C10orf90: variants seen among roughly 807,000 people sequenced by gnomAD.
The protein encoded by C10orf90 is chromosome 10 open reading frame 90, also known as (E2-independent) E3 ubiquitin-conjugating enzyme FATS.
In C10orf90, 56 loss-of-function variants were observed where a neutral mutation model predicts 62.5. That is an observed-to-expected ratio of 0.90 (90% CI 0.72 to 1.12). The LOEUF is 1.12. Among genes scored for constraint, C10orf90 ranks in the 50% most tolerant of loss-of-function variants. The probability of loss-of-function intolerance (pLI) is 0.00; values close to 1 mark genes in which losing one functional copy is unlikely to be tolerated. For synonymous variants in C10orf90, 386 were observed against 340.4 expected (o/e 1.13, Z -1.47); for missense variants, 970 against 880.4 (o/e 1.10, Z -1.29).
chr10:126,449,398 C>T (rs755454458), intron 7 of C10orf90, among the ~76,000 whole-genome samples: 15 of 152,132 alleles, frequency 9.9e-5, no homozygotes, highest in East Asian at 5.8e-4. Context: ...AACACATTAA[C>T]GGCCATATAT....
At chr10:126,440,354 C>T (rs1253353832) in intron 7 of C10orf90, among the ~76,000 whole-genome samples, 1 of 152,156 alleles carries the variant, frequency 6.6e-6, no homozygotes, top group Non-Finnish European at 1.5e-5. Flanking sequence ...CTGGGAACCT[C>T]ATCCCCTATC....
chr10:126,496,680 C>T (rs897555963), intron 4 of C10orf90: 16 of 985,258 alleles, frequency 1.6e-5, no homozygotes, highest in Admixed American at 6.1e-5. Flanking sequence ...AGTCTTTCAT[C>T]GCTCCTCACC....
rs115455248 is a variant in C10orf90 at position 126,526,821 on chromosome 10, G to A, written c.314-12882C>T. Among the ~76,000 whole-genome samples, 1,049 of 152,280 alleles carry A rather than the reference G, an allele frequency of 6.9e-3. 13 individuals carry two copies. Among genetic ancestry groups the A allele is most frequent in the African/African-American group, 0.024 (995 of 41,550 alleles). Reference sequence around the variant, plus strand: ...TCCTATAAATTGAATCATATAATATGTGGGCTTTTGTTTCTGGCTTCTTCT... The same window carrying A: ...TCCTATAAATTGAATCATATAATATATGGGCTTTTGTTTCTGGCTTCTTCT... On this transcript the variant is annotated intron_variant, in intron 2 of 9. Coordinates refer to ENST00000488181, the MANE Select transcript of C10orf90 (RefSeq NM_001350921.2).
chr10:126,623,096 T>G (rs997361695), intron 2 of C10orf90, among the ~76,000 whole-genome samples: 1 of 152,164 alleles, frequency 6.6e-6, no homozygotes, highest in African/African-American at 2.4e-5. Context: ...CTCTAAGAAC[T>G]GTCGGATGAG....
At chr10:126,455,076 C>T (rs1859455738) in intron 7 of C10orf90, among the ~76,000 whole-genome samples, 1 of 152,146 alleles carries the variant, frequency 6.6e-6, no homozygotes, top group Non-Finnish European at 1.5e-5. Flanking sequence ...TATCCACTAC[C>T]TTCCTTATAC....
intron 2 of C10orf90, among the ~76,000 whole-genome samples, chr10:126,625,587 C>T (rs1028120195): frequency 2.0e-5 from 3 of 152,114 alleles, no homozygotes; most frequent in Non-Finnish European, 2.9e-5. Context: ...AAACTCTGAG[C>T]GCAGAGCAAG....
chr10:126,572,952 A>G (rs1041727457), intron 2 of C10orf90, among the ~76,000 whole-genome samples: 1 of 151,908 alleles, frequency 6.6e-6, no homozygotes, highest in Non-Finnish European at 1.5e-5. Context: ...AAAACAGTCA[A>G]CTCTGTCTAT....
At chr10:126,666,604 T>C (rs1001705964) in intron 1 of C10orf90, among the ~76,000 whole-genome samples, 5 of 152,090 alleles carry the variant, frequency 3.3e-5, no homozygotes, top group Admixed American at 1.3e-4. Context: ...TGTTTGTCAT[T>C]GCCAATGCCT....
chr10:126,536,672 A>T (rs116756740), intron 2 of C10orf90, among the ~76,000 whole-genome samples: 1,688 of 152,296 alleles, frequency 0.011, 40 homozygotes, highest in African/African-American at 0.038. Context: ...TGAACCAGTG[A>T]GGAAAGCTGC....
intron 2 of C10orf90, among the ~76,000 whole-genome samples, chr10:126,568,804 G>A (rs751391627): frequency 3.2e-4 from 49 of 152,182 alleles, no homozygotes; most frequent in Admixed American, 9.2e-4. Context: ...AGTGTAACTG[G>A]AGAGGAGTTC....
At chr10:126,485,552 A>G (rs1199514584) in intron 4 of C10orf90, among the ~76,000 whole-genome samples, 1 of 152,194 alleles carries the variant, frequency 6.6e-6, no homozygotes, top group Non-Finnish European at 1.5e-5. Flanking sequence ...CCAACTTAAC[A>G]TTCTAGTGGG....
chr10:126,461,990 C>T (rs780021077), intron 5 of C10orf90, among the ~76,000 whole-genome samples: 11 of 152,054 alleles, frequency 7.2e-5, no homozygotes, highest in Admixed American at 6.6e-5. Context: ...AAGGACAGGG[C>T]GCTGGTATTC....
intron 1 of C10orf90, among the ~76,000 whole-genome samples, chr10:126,655,382 T>C (rs558536636): frequency 1.5e-4 from 23 of 152,132 alleles, no homozygotes; most frequent in African/African-American, 1.9e-4. Flanking sequence ...GATATAATAA[T>C]GAAAAAGTTT....
At chr10:126,432,305 T>A (rs556188026) in intron 7 of C10orf90, among the ~76,000 whole-genome samples, 12 of 152,258 alleles carry the variant, frequency 7.9e-5, no homozygotes, top group African/African-American at 2.9e-4. Flanking sequence ...GACCAAGAAC[T>A]CCTCCATTTC....
At chr10:126,623,708 G>A (rs1262581125) in intron 2 of C10orf90, among the ~76,000 whole-genome samples, 10 of 151,960 alleles carry the variant, frequency 6.6e-5, no homozygotes, top group Non-Finnish European at 1.5e-5. Flanking sequence ...CAGGGTGGTG[G>A]TGGGCGCCTG....
chr10:126,656,265 A>G (rs7077316), intron 1 of C10orf90, among the ~76,000 whole-genome samples: 29,911 of 152,140 alleles, frequency 0.2, 3,071 homozygotes, highest in African/African-American at 0.24. Flanking sequence ...TATTAATAAT[A>G]ACATCAATAA....
At chr10:126,662,046 A>T (rs1378239730) in intron 1 of C10orf90, among the ~76,000 whole-genome samples, 1 of 151,566 alleles carries the variant, frequency 6.6e-6, no homozygotes, top group Non-Finnish European at 1.5e-5. Flanking sequence ...GATGACAGAC[A>T]TTGTAAATTT....
At chr10:126,565,362 TATTATTTTATATA>T in intron 2 of C10orf90, among the ~76,000 whole-genome samples, 5 of 78,974 alleles carry the variant, frequency 6.3e-5, no homozygotes, top group African/African-American at 2.7e-4. Flanking sequence ...ATATAATATA[TATTATTTTATATA>T]ATAATATATA....
intron 2 of C10orf90, among the ~76,000 whole-genome samples, chr10:126,515,726 C>A (rs765289764): frequency 2.0e-5 from 3 of 152,130 alleles, no homozygotes; most frequent in Non-Finnish European, 2.9e-5. Context: ...CTAATATTTT[C>A]AAGTTTGGAA....
Sources: gnomAD v4.1 joint callset for allele counts (sites outside exome capture counted in the v4.1 genomes callset) on GRCh38, gnomAD v4.1.1 for gene constraint, MANE v1.5 for transcripts, NCBI Gene and HGNC (gene_info 2026-07-23, HGNC 2026-07-21) for gene names.